ROBO1: variants seen among roughly 807,000 people sequenced by gnomAD.
ROBO1 encodes roundabout guidance receptor 1.
In ROBO1, 149 loss-of-function variants were observed where a neutral mutation model predicts 195.9. The ratio of observed to expected loss-of-function variants is 0.76; its 90% CI spans 0.67 to 0.87. ROBO1 has a LOEUF of 0.87. ROBO1 is among the 40% of genes least tolerant of loss of function. The pLI, the probability that ROBO1 is intolerant of heterozygous loss-of-function variation, is 0.00. For synonymous variants in ROBO1, 816 were observed against 733.2 expected (o/e 1.11, Z -1.82); for missense variants, 1,933 against 2,068.3 (o/e 0.93, Z 1.27).
chr3:79,277,488 G>A (rs1039080967), intron 2 of ROBO1, among the ~76,000 whole-genome samples: 1 of 152,026 alleles, frequency 6.6e-6, no homozygotes, highest in African/African-American at 2.4e-5. Context: ...TAGTGATGTG[G>A]GGAGGATGGA....
chr3:78,648,852 A>G (rs1321727558), intron 19 of ROBO1, among the ~76,000 whole-genome samples: 1 of 152,092 alleles, frequency 6.6e-6, no homozygotes, highest in East Asian at 1.9e-4. Flanking sequence ...AATTTACTGT[A>G]GAATCGGAGC....
At chr3:79,270,206 TCTCTC>T (rs2030404699) in intron 2 of ROBO1, among the ~76,000 whole-genome samples, 1 of 151,172 alleles carries the variant, frequency 6.6e-6, no homozygotes, top group African/African-American at 2.4e-5. Flanking sequence ...TCTCTCTCTC[TCTCTC>T]TCTCTCTCTC....
chr3:79,496,030 T>C (rs1939712551), intron 2 of ROBO1, among the ~76,000 whole-genome samples: 1 of 151,858 alleles, frequency 6.6e-6, no homozygotes, highest in South Asian at 2.1e-4. Flanking sequence ...CTGGCCAACA[T>C]GGTGAAACCC....
chr3:78,937,608 T>C (rs1403611717), intron 4 of ROBO1, among the ~76,000 whole-genome samples: 1 of 152,178 alleles, frequency 6.6e-6, no homozygotes, highest in East Asian at 1.9e-4. Context: ...CCAATTCTTA[T>C]TCAACTGCAA....
At chr3:78,654,887 T>C (rs1313559839) in intron 18 of ROBO1, among the ~76,000 whole-genome samples, 2 of 152,202 alleles carry the variant, frequency 1.3e-5, no homozygotes, top group Admixed American at 1.3e-4. Flanking sequence ...TATAGAGTCA[T>C]CACAGTGTTA....
At chr3:78,967,015 AC>A (rs2076659237) in intron 3 of ROBO1, among the ~76,000 whole-genome samples, 1 of 152,246 alleles carries the variant, frequency 6.6e-6, no homozygotes, top group Non-Finnish European at 1.5e-5. Flanking sequence ...CAGGATTGTT[AC>A]AACAGCCAAA....
At chr3:79,034,345 C>A (rs1039426103) in intron 3 of ROBO1, among the ~76,000 whole-genome samples, 3 of 152,100 alleles carry the variant, frequency 2.0e-5, no homozygotes, top group Non-Finnish European at 2.9e-5. Flanking sequence ...AAAAACGTCT[C>A]CACATTTACA....
chr3:78,613,213 A>G (rs568144226), intron 28 of ROBO1, among the ~76,000 whole-genome samples: 77 of 152,348 alleles, frequency 5.1e-4, no homozygotes, highest in African/African-American at 1.8e-3. Context: ...AAAGATCTAC[A>G]CAAGGCTTTA....
intron 4 of ROBO1, among the ~76,000 whole-genome samples, chr3:78,934,419 A>T (rs2039689014): frequency 6.6e-6 from 1 of 152,022 alleles, no homozygotes; most frequent in South Asian, 2.1e-4. Flanking sequence ...TTAGAATCTG[A>T]TCAAAGCATT....
chr3:79,489,109 CAT>C (rs140391978), intron 2 of ROBO1, among the ~76,000 whole-genome samples: 3,384 of 147,906 alleles, frequency 0.023, 105 homozygotes, highest in African/African-American at 0.065. Context: ...TATATAAGTA[CAT>C]ATATATATAT....
At chr3:79,689,549 C>G (rs1947238838) in intron 1 of ROBO1, among the ~76,000 whole-genome samples, 1 of 151,892 alleles carries the variant, frequency 6.6e-6, no homozygotes, top group Non-Finnish European at 1.5e-5. Flanking sequence ...ATCACCATCC[C>G]CTTTTCCTTA....
intron 3 of ROBO1, among the ~76,000 whole-genome samples, chr3:78,944,801 G>T (rs757671947): frequency 6.6e-6 from 1 of 152,128 alleles, no homozygotes; most frequent in African/African-American, 2.4e-5. Context: ...GGAAAATCGG[G>T]TCACTCCCAC....
rs1452469257 is a variant in ROBO1 at position 78,746,134 on chromosome 3, T to A, written c.657+609A>T. 3.3e-5 allele frequency among the ~76,000 whole-genome samples: 5 copies of A among 152,204 alleles called. No homozygotes were observed. In the East Asian group the frequency reaches 9.6e-4, roughly 29 times the overall value. On this transcript the variant is annotated intron_variant, in intron 5 of 30. Transcript: ENST00000464233. ...CAAAGAAGTCATATAGAATCACGGC[T>A]GTCAAGAAGAAAACGCATCTTGACT...
At chr3:79,011,106 A>C (rs1484694268) in intron 3 of ROBO1, among the ~76,000 whole-genome samples, 1 of 152,184 alleles carries the variant, frequency 6.6e-6, no homozygotes, top group Non-Finnish European at 1.5e-5. Context: ...AAACCAAGCA[A>C]CTAAAGAAGT....
intron 2 of ROBO1, among the ~76,000 whole-genome samples, chr3:79,567,171 A>G (rs1440402870): frequency 1.3e-5 from 2 of 152,164 alleles, no homozygotes; most frequent in Admixed American, 6.6e-5. Context: ...CAAATGTCAC[A>G]CATTCTCAAT....
At chr3:78,879,360 T>C (rs1686401235) in intron 4 of ROBO1, among the ~76,000 whole-genome samples, 1 of 152,142 alleles carries the variant, frequency 6.6e-6, no homozygotes, top group South Asian at 2.1e-4. Context: ...ATATCATGCC[T>C]ACAAGCTGAC....
intron 2 of ROBO1, among the ~76,000 whole-genome samples, chr3:79,572,394 T>A (rs888211172): frequency 1.3e-5 from 2 of 152,066 alleles, no homozygotes; most frequent in African/African-American, 2.4e-5. Flanking sequence ...CATGACATAA[T>A]TATAGAAATG....
intron 2 of ROBO1, among the ~76,000 whole-genome samples, chr3:79,413,101 TC>T (rs2037850275): frequency 1.3e-5 from 2 of 151,650 alleles, no homozygotes. Context: ...TATATATATT[TC>T]TTTTAACAAG....
At chr3:79,109,040 T>A (rs2079837708) in intron 3 of ROBO1, among the ~76,000 whole-genome samples, 1 of 151,924 alleles carries the variant, frequency 6.6e-6, no homozygotes, top group Admixed American at 6.6e-5. Flanking sequence ...AAAAATTAGT[T>A]ACAGGCATTT....
Sources: allele counts gnomAD v4.1 joint callset (sites outside exome capture counted in the v4.1 genomes callset), GRCh38; gene constraint gnomAD v4.1.1; transcripts MANE v1.5; gene names NCBI Gene and HGNC (gene_info 2026-07-23, HGNC 2026-07-21).